The following MINPP1 variants were observed in gnomAD, a reference collection of about 807,000 sequenced individuals.
The protein encoded by MINPP1 is multiple inositol-polyphosphate phosphatase 1, also known as multiple inositol polyphosphate phosphatase 1.
Under a neutral mutation model 46.1 loss-of-function variants are expected in MINPP1, and 28 were observed. The observed-to-expected ratio is 0.61, with a 90% CI of 0.45 to 0.83. The LOEUF is 0.83. MINPP1 is among the 40% of genes least tolerant of loss of function. MINPP1 has a pLI of 0.00. For synonymous variants in MINPP1, 268 were observed against 249.1 expected, an observed-to-expected ratio of 1.08 and a Z score of -0.72; for missense variants, 603 against 610.0, an observed-to-expected ratio of 0.99 and a Z score of 0.12.
At chr10:87,540,698 A>T (rs1324843075) in intron 4 of MINPP1, among the ~76,000 whole-genome samples, 3 of 152,196 alleles carry the variant, frequency 2.0e-5, no homozygotes, top group Non-Finnish European at 4.4e-5. Flanking sequence ...GAAACTGGAG[A>T]TTTGGTTCCT....
intron 4 of MINPP1, among the ~76,000 whole-genome samples, chr10:87,542,162 T>C (rs1215061418): frequency 6.6e-6 from 1 of 152,158 alleles, no homozygotes; most frequent in Admixed American, 6.5e-5. Flanking sequence ...AGTTATTTAC[T>C]CCCAAGATAC....
intron 2 of MINPP1, chr10:87,509,647 T>C: frequency 4.2e-6 from 1 of 240,314 alleles, no homozygotes; most frequent in Non-Finnish European, 8.9e-6. Flanking sequence ...GTGGTAATTG[T>C]TGTCATGAAT....
intron 3 of MINPP1, 33 bp downstream of exon 3, chr10:87,513,254 TTAAA>T: frequency 1.3e-6 from 2 of 1,567,812 alleles, no homozygotes; most frequent in Non-Finnish European, 1.8e-6. Flanking sequence ...CTTTGCTTTT[TTAAA>T]AAAATTTTTT....
intron 4 of MINPP1, among the ~76,000 whole-genome samples, chr10:87,536,201 T>G (rs11202435): frequency 0.11 from 17,108 of 151,868 alleles, 2,042 homozygotes; most frequent in East Asian, 0.31. Context: ...ATGAATGCAT[T>G]GAAATTGTCT....
chr10:87,523,797 C>G (rs1027759023), intron 4 of MINPP1, among the ~76,000 whole-genome samples: 1 of 152,086 alleles, frequency 6.6e-6, no homozygotes, highest in African/African-American at 2.4e-5. Context: ...CATCAGAGCT[C>G]TTGGATGACC....
intron 3 of MINPP1, among the ~76,000 whole-genome samples, chr10:87,517,519 T>C (rs74819797): frequency 0.022 from 3,344 of 152,310 alleles, 203 homozygotes; most frequent in East Asian, 0.2. Flanking sequence ...GTATGTAAAT[T>C]ACAATTTAAT....
intron 4 of MINPP1, 104 bp downstream of exon 4, chr10:87,521,273 T>C: frequency 1.1e-6 from 1 of 887,814 alleles, no homozygotes; most frequent in Non-Finnish European, 1.8e-6. Context: ...TGCTTGTGTT[T>C]TAAAAAAATT....
At chr10:87,544,840 T>C (rs1851865902) in intron 4 of MINPP1, among the ~76,000 whole-genome samples, 1 of 152,224 alleles carries the variant, frequency 6.6e-6, no homozygotes, top group Non-Finnish European at 1.5e-5. Context: ...TAAGTTGAAT[T>C]CAGGCTGAGA....
intron 1 of MINPP1, among the ~76,000 whole-genome samples, chr10:87,506,020 CTTTTTTTTT>C (rs568866798): frequency 2.8e-5 from 4 of 142,950 alleles, no homozygotes; most frequent in Non-Finnish European, 6.2e-5. Context: ...TTCCTTCTTT[CTTTTTTTTT>C]TTTTTTAAAC....
At chr10:87,511,589 C>G (rs1438105612) in intron 2 of MINPP1, among the ~76,000 whole-genome samples, 1 of 152,192 alleles carries the variant, frequency 6.6e-6, no homozygotes, top group Non-Finnish European at 1.5e-5. Flanking sequence ...TATCTAACCT[C>G]TTTACTTTGT....
chr10:87,532,902 A>G (rs1851679747), intron 4 of MINPP1, among the ~76,000 whole-genome samples: 1 of 152,066 alleles, frequency 6.6e-6, no homozygotes, highest in African/African-American at 2.4e-5. Flanking sequence ...ACAGTCAGGC[A>G]CCAGTGTGGT....
intron 4 of MINPP1, among the ~76,000 whole-genome samples, chr10:87,532,263 T>A (rs932526007): frequency 6.6e-6 from 1 of 152,238 alleles, no homozygotes; most frequent in African/African-American, 2.4e-5. Context: ...GCCTTGTGGC[T>A]TGAAAGGAAA....
At chr10:87,507,720 G>A (rs1851273684) in intron 1 of MINPP1, 1 of 459,172 alleles carries the variant, frequency 2.2e-6, no homozygotes, top group Non-Finnish European at 2.9e-6. Flanking sequence ...CCCAATTGGG[G>A]GCATAATGTA....
chr10:87,523,389 C>T (rs1166778772), intron 4 of MINPP1, among the ~76,000 whole-genome samples: 1 of 150,464 alleles, frequency 6.6e-6, no homozygotes, highest in Non-Finnish European at 1.5e-5. Context: ...CTCGTTCTGT[C>T]ACCCAGGCTG....
At chr10:87,537,203 C>G (rs1564680675) in intron 4 of MINPP1, among the ~76,000 whole-genome samples, 1 of 152,160 alleles carries the variant, frequency 6.6e-6, no homozygotes, top group Non-Finnish European at 1.5e-5. Context: ...TCCCAAAGTG[C>G]TGGGATTACA....
At position 87,521,180 on chromosome 10, in the gene MINPP1, T is replaced by C. The variant is rs1454817483; in HGVS notation, c.1067+11T>C. The C allele has an allele frequency of 6.2e-7, 1 of 1,608,466 alleles. No homozygotes were observed. The highest frequency in any genetic ancestry group is 1.1e-5 in the South Asian group (1 of 89,768). On this transcript the variant is annotated intron_variant, in intron 4 of 4. Transcript: ENST00000371996. ...TGAACAGAAACAAAGGTAAGAACTTTCTAAAAAATGTGAAGTACATTTTGA... is the reference window on the plus strand; with the variant it reads ...TGAACAGAAACAAAGGTAAGAACTTCCTAAAAAATGTGAAGTACATTTTGA...
Position 87,552,139 on chromosome 10 carries a change from T to C in MINPP1, c.1125T>C (p.Leu375=). 1 of 1,613,660 alleles carries C rather than the reference T, an allele frequency of 6.2e-7. No homozygotes were observed. Among genetic ancestry groups the C allele is most frequent in the East Asian group, 2.2e-5 (1 of 44,862 alleles). Residue 375 remains leucine, a synonymous_variant, in exon 5 of 5, where the codon CTT becomes CTC. Transcript: ENST00000371996. ...ILQFGHAETL[L]PLLSLMGYFK... is the part of the protein sequence containing the mutation. ...AGTTTGGTCATGCAGAGACTCTTCT[T>C]CCACTGCTTTCTCTCATGGGCTACT...
At chr10:87,520,057 A>AGAGTGTGTGTGTGTGTGTGTGT (rs1554852420) in intron 3 of MINPP1, among the ~76,000 whole-genome samples, 2 of 147,364 alleles carry the variant, frequency 1.4e-5, no homozygotes, top group African/African-American at 5.1e-5. Flanking sequence ...TAAAAGGTAT[A>AGAGTGTGTGTGTGTGTGTGTGT]GTGTGTGTGT....
intron 4 of MINPP1, among the ~76,000 whole-genome samples, chr10:87,531,364 C>T (rs1851658412): frequency 6.6e-6 from 1 of 152,206 alleles, no homozygotes; most frequent in South Asian, 2.1e-4. Context: ...GCTTATCTCA[C>T]CTACAAATAA....
Sources: allele counts gnomAD v4.1 joint callset (sites outside exome capture counted in the v4.1 genomes callset), GRCh38; gene constraint gnomAD v4.1.1; transcripts MANE v1.5; gene names NCBI Gene and HGNC (gene_info 2026-07-23, HGNC 2026-07-21).